The following LRMDA variants were observed in gnomAD, a reference collection of about 807,000 sequenced individuals.
The protein encoded by LRMDA is leucine-rich melanocyte differentiation-associated protein.
A neutral mutation model predicts 29.8 loss-of-function variants in LRMDA; 18 were observed. The ratio of observed to expected loss-of-function variants is 0.60; its 90% CI spans 0.42 to 0.90. LRMDA has a LOEUF of 0.90. Ranked by LOEUF, LRMDA falls within the 40% of genes least tolerant of loss-of-function variation. The pLI is 0.00. For missense variants in LRMDA, 273 were observed against 273.9 expected, an observed-to-expected ratio of 1.00 and a Z score of 0.02; for synonymous variants, 125 against 109.4, an observed-to-expected ratio of 1.14 and a Z score of -0.89.
chr10:75,755,480 C>G (rs1843021044), intron 2 of LRMDA, among the ~76,000 whole-genome samples: 1 of 152,190 alleles, frequency 6.6e-6, no homozygotes, highest in South Asian at 2.1e-4. Context: ...AACATGCATT[C>G]TAATGAGGAA....
chr10:75,713,678 T>G (rs1275969721), intron 2 of LRMDA, among the ~76,000 whole-genome samples: 1 of 152,236 alleles, frequency 6.6e-6, no homozygotes, highest in Non-Finnish European at 1.5e-5. Flanking sequence ...TCAAGAAACC[T>G]AGAATCTTAT....
At chr10:75,609,227 G>A (rs1482140586) in intron 2 of LRMDA, among the ~76,000 whole-genome samples, 2 of 152,262 alleles carry the variant, frequency 1.3e-5, no homozygotes, top group African/African-American at 4.8e-5. Flanking sequence ...CCCTGAGGAG[G>A]CTTGGTATGA....
intron 2 of LRMDA, among the ~76,000 whole-genome samples, chr10:75,471,023 C>T (rs1288147389): frequency 6.6e-6 from 1 of 152,170 alleles, no homozygotes; most frequent in Admixed American, 6.5e-5. Context: ...TTTGTGAGCT[C>T]AGAGCTTGCT....
intron 2 of LRMDA, among the ~76,000 whole-genome samples, chr10:75,840,200 G>A (rs1456668490): frequency 6.6e-6 from 1 of 151,976 alleles, no homozygotes; most frequent in Non-Finnish European, 1.5e-5. Context: ...ACCCTTACAG[G>A]CCTTCCTTCA....
At chr10:75,844,908 A>G (rs2132304500) in intron 2 of LRMDA, among the ~76,000 whole-genome samples, 1 of 152,294 alleles carries the variant, frequency 6.6e-6, no homozygotes, top group African/African-American at 2.4e-5. Flanking sequence ...TTAGAGCTGT[A>G]TGTTTAAAGG....
At chr10:75,870,866 C>G (rs115020041) in intron 2 of LRMDA, among the ~76,000 whole-genome samples, 1 of 152,160 alleles carries the variant, frequency 6.6e-6, no homozygotes, top group South Asian at 2.1e-4. Flanking sequence ...TCCCACTTTC[C>G]GGGGCATCAT....
At chr10:75,474,869 C>T (rs1844770462) in intron 2 of LRMDA, among the ~76,000 whole-genome samples, 1 of 152,130 alleles carries the variant, frequency 6.6e-6, no homozygotes, top group Non-Finnish European at 1.5e-5. Flanking sequence ...CTGCTAGTGT[C>T]ATTTCCTACG....
intron 2 of LRMDA, among the ~76,000 whole-genome samples, chr10:75,875,587 C>T (rs891890465): frequency 6.6e-6 from 1 of 152,182 alleles, no homozygotes; most frequent in Non-Finnish European, 1.5e-5. Context: ...CATGCGCCAC[C>T]ATGCCCAGCT....
chr10:75,594,492 C>T (rs1840761996), intron 2 of LRMDA, among the ~76,000 whole-genome samples: 1 of 152,164 alleles, frequency 6.6e-6, no homozygotes, highest in South Asian at 2.1e-4. Flanking sequence ...TCTTGGGAAA[C>T]AAGTAGTTAC....
In LRMDA at chr10:76,161,640, ACGCAT is replaced by A. The variant is rs1397883547; in HGVS notation, c.516+102858_516+102862del. ...CACAGCCCAAGATAGTCAGACTACAACGCATGAAACAAATGTTGATGAACAGAAAG... is the reference window on the plus strand; with the variant it reads ...CACAGCCCAAGATAGTCAGACTACAAGAAACAAATGTTGATGAACAGAAAG... On this transcript the variant is annotated intron_variant, in intron 5 of 6. Coordinates refer to ENST00000611255, the MANE Select transcript of LRMDA (RefSeq NM_001305581.2). Among the ~76,000 whole-genome samples, 4 of 152,322 alleles carry A rather than the reference ACGCAT, an allele frequency of 2.6e-5. No homozygotes were observed. The East Asian group carries it at 7.7e-4, about 29-fold the overall frequency.
chr10:76,232,096 A>T (rs968344286), intron 5 of LRMDA, among the ~76,000 whole-genome samples: 9 of 152,234 alleles, frequency 5.9e-5, no homozygotes, highest in African/African-American at 2.2e-4. Context: ...TTGTTCCTAG[A>T]AATATCAAAT....
intron 6 of LRMDA, among the ~76,000 whole-genome samples, chr10:76,455,746 A>T (rs1842450663): frequency 6.6e-6 from 1 of 152,158 alleles, no homozygotes; most frequent in African/African-American, 2.4e-5. Flanking sequence ...GTGTAGGGGA[A>T]GTGGCAGGGG....
Position 76,243,816 on chromosome 10 carries a change from C to G in LRMDA, c.517-80585C>G, listed in dbSNP as rs142930820. Among the ~76,000 whole-genome samples the G allele has an allele frequency of 9.0e-4, 137 of 152,218 alleles. No individual in the cohort carries two copies. In the Middle Eastern group the frequency reaches 0.017, roughly 19 times the overall value. The stretch of plus-strand genomic sequence containing the variant: ...CATAGTGGGTTGAGTGGTAGCCCCC[C>G]CAAAATATATCGCTCCATCCTATCC... On this transcript the variant is annotated intron_variant, in intron 5 of 6. Transcript: ENST00000611255.
intron 5 of LRMDA, among the ~76,000 whole-genome samples, chr10:76,254,330 C>T (rs139981220): frequency 0.034 from 4,811 of 142,138 alleles, 317 homozygotes; most frequent in African/African-American, 0.12. Flanking sequence ...CATACCATAC[C>T]ATACCATACC....
chr10:76,462,755 G>A (rs1842526197), intron 6 of LRMDA, among the ~76,000 whole-genome samples: 1 of 152,164 alleles, frequency 6.6e-6, no homozygotes, highest in African/African-American at 2.4e-5. Flanking sequence ...GCCCTCTCCA[G>A]CTACTCAGTG....
At chr10:75,508,737 A>G (rs895027995) in intron 2 of LRMDA, among the ~76,000 whole-genome samples, 2 of 152,138 alleles carry the variant, frequency 1.3e-5, no homozygotes, top group Non-Finnish European at 2.9e-5. Context: ...ACAGCGTTTG[A>G]AGGAGGTAGC....
At chr10:75,592,312 G>T (rs1479656817) in intron 2 of LRMDA, among the ~76,000 whole-genome samples, 1 of 152,176 alleles carries the variant, frequency 6.6e-6, no homozygotes, top group African/African-American at 2.4e-5. Flanking sequence ...TACCCTAGAC[G>T]CGTGGCGCTT....
At chr10:76,356,505 C>G (rs192344998) in intron 6 of LRMDA, among the ~76,000 whole-genome samples, 104 of 152,150 alleles carry the variant, frequency 6.8e-4, no homozygotes, top group Non-Finnish European at 1.0e-4. Context: ...TTGAGAAAAC[C>G]GTATTTTTTT....
intron 2 of LRMDA, among the ~76,000 whole-genome samples, chr10:75,748,923 A>G (rs1443945504): frequency 1.3e-5 from 2 of 152,180 alleles, no homozygotes; most frequent in African/African-American, 4.8e-5. Flanking sequence ...GTATCTATAC[A>G]CACATACAGA....
Sources: allele counts gnomAD v4.1 joint callset (sites outside exome capture counted in the v4.1 genomes callset), GRCh38; gene constraint gnomAD v4.1.1; transcripts MANE v1.5; gene names NCBI Gene and HGNC (gene_info 2026-07-23, HGNC 2026-07-21).